Variants in BCL9 observed in about 807,000 individuals in gnomAD.
BCL9 encodes B-cell CLL/lymphoma 9 protein.
Under a neutral mutation model 88.5 loss-of-function variants are expected in BCL9, and 25 were observed. The ratio of observed to expected loss-of-function variants is 0.28; its 90% confidence interval spans 0.21 to 0.39. The LOEUF is 0.39. Ranked by LOEUF, BCL9 falls within the 10% of genes least tolerant of loss-of-function variation. The pLI is 1.00. For missense variants in BCL9, 1,817 were observed against 1,877.8 expected, an observed-to-expected ratio of 0.97 and a Z score of 0.60; for synonymous variants, 711 against 673.3, an observed-to-expected ratio of 1.06 and a Z score of -0.87.
At chr1:147,554,450 A>G (rs1458388684) in intron 1 of BCL9, among the ~76,000 whole-genome samples, 4 of 152,242 alleles carry the variant, frequency 2.6e-5, no homozygotes, top group Non-Finnish European at 4.4e-5. Context: ...GCTTCTGTTT[A>G]TCCTTAGTAA....
intron 1 of BCL9, among the ~76,000 whole-genome samples, chr1:147,601,023 T>G (rs1177776469): frequency 1.3e-5 from 2 of 152,034 alleles, no homozygotes; most frequent in Non-Finnish European, 2.9e-5. Flanking sequence ...ACAGCAGGGT[T>G]GGTTATTATG....
intron 3 of BCL9, among the ~76,000 whole-genome samples, chr1:147,610,709 G>A (rs1553202500): frequency 1.3e-5 from 2 of 152,210 alleles, no homozygotes; most frequent in African/African-American, 4.8e-5. Flanking sequence ...AGGGAGCAGA[G>A]ACTTAAAGTA....
chr1:147,570,910 C>T (rs1003709871), intron 1 of BCL9, among the ~76,000 whole-genome samples: 4 of 152,016 alleles, frequency 2.6e-5, no homozygotes, highest in African/African-American at 9.7e-5. Context: ...GCTGGGATTA[C>T]AGGTGTGAGC....
chr1:147,548,031 C>T (rs767095533), intron 1 of BCL9, among the ~76,000 whole-genome samples: 219 of 152,234 alleles, frequency 1.4e-3, no homozygotes, highest in Non-Finnish European at 2.6e-3. Flanking sequence ...CTGAAAAATA[C>T]GCAAATTCAA....
In BCL9 at chr1:147,612,974, C is replaced by A. The variant is rs1398193991; in HGVS notation, c.145C>A (p.Gln49Lys). 1.2e-6 allele frequency: 2 copies of A among 1,611,596 alleles called. No individual in the cohort carries two copies. The highest frequency in any genetic ancestry group is 1.7e-6 in the Non-Finnish European group (2 of 1,178,992). Residue 49 changes from glutamine to lysine, a missense_variant, in exon 5 of 10, where the codon CAG becomes AAG. By Grantham distance (53) the Gln-to-Lys change is moderately conservative. Transcript: ENST00000234739. Reference sequence around the variant, plus strand: ...CCAGCTGGATTCCAAATTCTCCAATCAGGGTAAACAGGGGGGCTCAGCCAG... The same window carrying A: ...CCAGCTGGATTCCAAATTCTCCAATAAGGGTAAACAGGGGGGCTCAGCCAG... ...NPQLDSKFSN[Q>K]GKQGGSASQS...
chr1:147,541,526 A>G lies in BCL9; in HGVS notation c.-626A>G. The G allele has an allele frequency of 6.6e-6, 1 of 152,252 alleles. No individual in the cohort carries two copies. The highest frequency in any genetic ancestry group is 2.4e-5 in the African/African-American group (1 of 41,410). The allele number at this position is 152,252 out of a possible 1,614,324, so 9.4% of individuals were successfully genotyped here. A position where few individuals can be genotyped will look rare whatever the true frequency, so the allele number is the denominator to read the frequency against. On this transcript the variant is annotated 5_prime_UTR_variant, in exon 1 of 10. Transcript: ENST00000234739. ...AGACCAGAGCAGACAATAGGCCCCT[A>G]AAGTGTTCCCCCTAAGTTGCTTTGA...
chr1:147,606,395 T>A (rs1343686102), intron 2 of BCL9, among the ~76,000 whole-genome samples: 1 of 152,248 alleles, frequency 6.6e-6, no homozygotes, highest in Non-Finnish European at 1.5e-5. Context: ...GAATTTTGTC[T>A]CTTCTCACCT....
intron 7 of BCL9, among the ~76,000 whole-genome samples, 175 bp from the exon 8 acceptor site, chr1:147,618,641 A>AC (rs1403748122): frequency 6.6e-6 from 1 of 151,596 alleles, no homozygotes; most frequent in Non-Finnish European, 1.5e-5. Context: ...AGTTTAAAAA[A>AC]AAAAAAATCA....
chr1:147,552,577 G>C (rs1209633472), intron 1 of BCL9, among the ~76,000 whole-genome samples: 2 of 152,180 alleles, frequency 1.3e-5, no homozygotes, highest in Admixed American at 1.3e-4. Context: ...TTGCACTCCA[G>C]CCTGGGCAAA....
In BCL9 at chr1:147,619,087, A is replaced by G. The variant is rs1451915186; in HGVS notation, c.932A>G (p.Asn311Ser). The G allele has an allele frequency of 6.8e-6, 11 of 1,613,510 alleles. No individual in the cohort carries two copies. Among genetic ancestry groups the G allele is most frequent in the Non-Finnish European group, 9.3e-6 (11 of 1,179,836 alleles). Residue 311 changes from asparagine to serine, a missense_variant, in exon 8 of 10, where the codon AAT (asparagine) becomes AGT (serine). Physicochemically the swap from Asn to Ser is conservative, Grantham distance 46. Transcript: ENST00000234739. The surrounding 1 kb of genome is among the most constrained non-coding windows in gnomAD (Gnocchi z 4.1). ...DGTGPNSTPN[N>S]RAVTPVSQGS... ...ACTGGGCCCAACTCAACTCCCAACA[A>G]TAGGGCAGTGACCCCTGTCTCCCAG...
chr1:147,607,074 G>T (rs895318686), intron 3 of BCL9, among the ~76,000 whole-genome samples: 6 of 152,124 alleles, frequency 3.9e-5, no homozygotes, highest in Non-Finnish European at 1.5e-5. Flanking sequence ...ACGTATAAGT[G>T]AGATCATGTG....
At chr1:147,594,355 C>A (rs933080002) in intron 1 of BCL9, among the ~76,000 whole-genome samples, 5 of 152,142 alleles carry the variant, frequency 3.3e-5, no homozygotes, top group African/African-American at 9.7e-5. Flanking sequence ...GATGTTGAGC[C>A]AGGATTACCA....
intron 1 of BCL9, among the ~76,000 whole-genome samples, chr1:147,544,919 G>A (rs1228226676): frequency 2.0e-5 from 3 of 152,020 alleles, no homozygotes; most frequent in Non-Finnish European, 4.4e-5. Context: ...TCATTTCCAC[G>A]GAGGCAGATT....
intron 1 of BCL9, among the ~76,000 whole-genome samples, chr1:147,547,890 A>G (rs1009148199): frequency 6.6e-6 from 1 of 152,248 alleles, no homozygotes; most frequent in Non-Finnish European, 1.5e-5. Flanking sequence ...TATTCTACAT[A>G]TTATTGTTGC....
At chr1:147,616,699 G>A (rs1348075579) in intron 7 of BCL9, among the ~76,000 whole-genome samples, 2 of 151,988 alleles carry the variant, frequency 1.3e-5, no homozygotes, top group African/African-American at 4.8e-5. Flanking sequence ...CCTGGGAGGC[G>A]GAGCTTGCAG....
chr1:147,612,593 T>A (rs964092652), intron 4 of BCL9, among the ~76,000 whole-genome samples: 3 of 152,310 alleles, frequency 2.0e-5, no homozygotes, highest in African/African-American at 7.2e-5. Context: ...CACCTCTCTA[T>A]GTACATAGAA....
intron 1 of BCL9, among the ~76,000 whole-genome samples, chr1:147,544,580 T>C (rs1654472522): frequency 6.6e-6 from 1 of 152,222 alleles, no homozygotes; most frequent in East Asian, 1.9e-4. Context: ...GATCTCGTTT[T>C]ACTGATTCCA....
intron 1 of BCL9, among the ~76,000 whole-genome samples, chr1:147,577,834 A>ATGTG (rs67428703): frequency 0.16 from 21,864 of 140,924 alleles, 1,734 homozygotes; most frequent in Middle Eastern, 0.28. Flanking sequence ...TTTTCTACCA[A>ATGTG]TGTGTGTGTG....
intron 1 of BCL9, among the ~76,000 whole-genome samples, chr1:147,559,245 C>T (rs1477953453): frequency 6.9e-6 from 1 of 145,192 alleles, no homozygotes; most frequent in African/African-American, 2.6e-5. Context: ...AAAGTATTTT[C>T]TATAGTTTTA....
Sources: gnomAD v4.1 joint callset for allele counts (sites outside exome capture counted in the v4.1 genomes callset) on GRCh38, gnomAD v4.1.1 for gene constraint, Gnocchi (gnomAD v3.1) non-coding constraint, MANE v1.5 for transcripts, NCBI Gene and HGNC (gene_info 2026-07-23, HGNC 2026-07-21) for gene names.